Variants in SLC4A10 observed in about 807,000 individuals in gnomAD.
SLC4A10 encodes sodium-driven chloride bicarbonate exchanger.
A neutral mutation model predicts 137.7 loss-of-function variants in SLC4A10; 42 were observed. The observed-to-expected ratio is 0.30, with a 90% CI of 0.24 to 0.39. SLC4A10 has a LOEUF of 0.39. Among genes scored for constraint, SLC4A10 ranks in the 10% least tolerant of loss-of-function variants. SLC4A10 has a pLI of 1.00. For missense variants in SLC4A10, 925 were observed against 1,355.0 expected, an observed-to-expected ratio of 0.68 and a Z score of 4.98; for synonymous variants, 474 against 464.1, an observed-to-expected ratio of 1.02 and a Z score of -0.27.
At chr2:161,962,211 A>T (rs1196891687) in intron 21 of SLC4A10, among the ~76,000 whole-genome samples, 2 of 152,326 alleles carry the variant, frequency 1.3e-5, no homozygotes, top group African/African-American at 2.4e-5. Flanking sequence ...CATGGCAGAA[A>T]AAACAGATCA....
intron 19 of SLC4A10, 66 bp from the exon 20 acceptor site, chr2:161,956,923 A>G: frequency 6.8e-7 from 1 of 1,473,252 alleles, no homozygotes; most frequent in Non-Finnish European, 9.0e-7. Flanking sequence ...TTCTATTCGC[A>G]ATCAGGCCAC....
At chr2:161,767,123 ATATATATATATATATATGTGTG>A (rs2050921763) in intron 1 of SLC4A10, among the ~76,000 whole-genome samples, 1 of 79,644 alleles carries the variant, frequency 1.3e-5, no homozygotes, top group African/African-American at 5.6e-5. Flanking sequence ...ATATATATAT[ATATATATATATATATATGTGTG>A]TGTGTGTGTG....
chr2:161,767,467 C>G (rs963808858), intron 1 of SLC4A10, among the ~76,000 whole-genome samples: 1 of 151,458 alleles, frequency 6.6e-6, no homozygotes, highest in African/African-American at 2.4e-5. Flanking sequence ...TCCCTGAACT[C>G]CTTTCTAAGA....
chr2:161,924,913 A>T (rs886562634), intron 15 of SLC4A10, among the ~76,000 whole-genome samples: 2 of 152,214 alleles, frequency 1.3e-5, no homozygotes, highest in Non-Finnish European at 2.9e-5. Context: ...CGATGGGGTT[A>T]TAGGAAACTG....
At chr2:161,726,067 T>C (rs2046187750) in intron 1 of SLC4A10, among the ~76,000 whole-genome samples, 1 of 152,204 alleles carries the variant, frequency 6.6e-6, no homozygotes, top group African/African-American at 2.4e-5. Context: ...GTAAGTATCA[T>C]CTATTAATGA....
At chr2:161,875,161 G>A (rs2061386729) in intron 8 of SLC4A10, among the ~76,000 whole-genome samples, 1 of 152,162 alleles carries the variant, frequency 6.6e-6, no homozygotes, top group Non-Finnish European at 1.5e-5. Flanking sequence ...TGAGAGGGCA[G>A]AAAAGTAGAG....
intron 23 of SLC4A10, among the ~76,000 whole-genome samples, chr2:161,970,688 G>T (rs766299023): frequency 6.6e-6 from 1 of 152,194 alleles, no homozygotes; most frequent in Non-Finnish European, 1.5e-5. Context: ...CCTGAAAATG[G>T]ATGTAGTTGT....
intron 1 of SLC4A10, among the ~76,000 whole-genome samples, chr2:161,664,028 T>C (rs2038754896): frequency 6.6e-6 from 1 of 152,032 alleles, no homozygotes; most frequent in Non-Finnish European, 1.5e-5. Flanking sequence ...TTTTCTTTAG[T>C]TTTGCTTTAG....
At chr2:161,666,917 A>G (rs1022406295) in intron 1 of SLC4A10, among the ~76,000 whole-genome samples, 8 of 151,744 alleles carry the variant, frequency 5.3e-5, no homozygotes, top group Non-Finnish European at 8.9e-5. Flanking sequence ...AGGCTTGGTT[A>G]CTTTGACACT....
intron 1 of SLC4A10, among the ~76,000 whole-genome samples, chr2:161,658,596 C>CTTTTTTTTTTTTTTTTTT (rs35686377): frequency 7.8e-6 from 1 of 128,402 alleles, no homozygotes; most frequent in Non-Finnish European, 1.6e-5. Context: ...AAATAGTTTC[C>CTTTTTTTTTTTTTTTTTT]TTTTTTTTTT....
intron 1 of SLC4A10, among the ~76,000 whole-genome samples, chr2:161,664,711 C>CT (rs11428885): frequency 0.82 from 122,182 of 148,322 alleles, 50,462 homozygotes; most frequent in Middle Eastern, 0.88. Flanking sequence ...ATTTTTTCTC[C>CT]TTTTTTTTTT....
intron 1 of SLC4A10, among the ~76,000 whole-genome samples, chr2:161,705,498 A>G (rs1209411684): frequency 6.6e-6 from 1 of 151,678 alleles, no homozygotes; most frequent in Admixed American, 6.6e-5. Flanking sequence ...TCAAATAAAT[A>G]GAGTTACCCT....
At chr2:161,708,760 A>G (rs763743206) in intron 1 of SLC4A10, 6 of 1,532,374 alleles carry the variant, frequency 3.9e-6, no homozygotes, top group Middle Eastern at 1.7e-4. Flanking sequence ...TGCAGTCTTT[A>G]GGGGTTTCTG....
chr2:161,972,999 G>A (rs140694898), intron 23 of SLC4A10, among the ~76,000 whole-genome samples: 1 of 152,192 alleles, frequency 6.6e-6, no homozygotes, highest in Non-Finnish European at 1.5e-5. Flanking sequence ...GCCAAGGTCT[G>A]TTTACCAAGG....
At chr2:161,670,987 A>G (rs1237856793) in intron 1 of SLC4A10, among the ~76,000 whole-genome samples, 1 of 152,108 alleles carries the variant, frequency 6.6e-6, no homozygotes, top group East Asian at 1.9e-4. Flanking sequence ...ATTTCTTCGT[A>G]TCTTTTCCCC....
intron 11 of SLC4A10, among the ~76,000 whole-genome samples, chr2:161,897,265 C>T (rs895785335): frequency 2.0e-5 from 3 of 151,906 alleles, no homozygotes; most frequent in Non-Finnish European, 2.9e-5. Context: ...GAGTGATGAC[C>T]AAATATTTGT....
At chr2:161,897,347 GTAC>G in intron 11 of SLC4A10, among the ~76,000 whole-genome samples, 1 of 152,142 alleles carries the variant, frequency 6.6e-6, no homozygotes, top group Admixed American at 6.6e-5. Context: ...AAATTGTTGT[GTAC>G]TTAGTCTTGC....
In SLC4A10 at chr2:161,865,165, A is replaced by AT. The variant is rs546658683; in HGVS notation, c.766+2112dup. The stretch of plus-strand genomic sequence containing the variant: ...TTTACTATAACAATAATTTCATTGC[A>AT]TTTTTTTTTCAGGCAAGAGACTACA... On this transcript the variant is annotated intron_variant, in intron 6 of 26. Transcript: ENST00000446997. 2.4e-3 allele frequency among the ~76,000 whole-genome samples: 357 copies of AT among 150,774 alleles called. 2 individuals carry two copies. The highest frequency in any genetic ancestry group is 0.01 in the Admixed American group (152 of 15,108).
chr2:161,946,301 C>G (rs1693788958), intron 16 of SLC4A10, among the ~76,000 whole-genome samples: 1 of 152,010 alleles, frequency 6.6e-6, no homozygotes, highest in Admixed American at 6.6e-5. Flanking sequence ...TCAAGACTCT[C>G]AGGCTTAGGG....
Sources: gnomAD v4.1 joint callset for allele counts (sites outside exome capture counted in the v4.1 genomes callset) on GRCh38, gnomAD v4.1.1 for gene constraint, MANE v1.5 for transcripts, NCBI Gene and HGNC (gene_info 2026-07-23, HGNC 2026-07-21) for gene names.